Variants in PFKFB2 observed in about 807,000 individuals in gnomAD.
PFKFB2 encodes the protein 6-phosphofructo-2-kinase/fructose-2,6-biphosphatase 2, also known as 6-phosphofructo-2-kinase/fructose-2,6-bisphosphatase 2.
Under a neutral mutation model 68.0 loss-of-function variants are expected in PFKFB2, and 53 were observed. That is an observed-to-expected ratio of 0.78 (90% CI 0.63 to 0.98). The LOEUF is 0.98. Ranked by LOEUF, PFKFB2 falls within the 50% of genes least tolerant of loss-of-function variation. The pLI is 0.00. For synonymous variants in PFKFB2, 222 were observed against 227.6 expected, an observed-to-expected ratio of 0.98 and a Z score of 0.22; for missense variants, 451 against 642.0, an observed-to-expected ratio of 0.70 and a Z score of 3.22.
chr1:207,049,227 T>C (rs1682672646), upstream of PFKFB2: 1 of 1,613,860 alleles, frequency 6.2e-7, no homozygotes, highest in South Asian at 1.1e-5. Flanking sequence ...TCAGAGGAGG[T>C]GTATCTGGAT....
rs1337045968 is a variant in PFKFB2, at chr1:207,043,085, G to A, written c.-18+873G>A. Among the ~76,000 whole-genome samples the A allele has an allele frequency of 2.0e-5, 3 of 151,456 alleles. No individual in the cohort carries two copies. In the East Asian group the frequency reaches 5.8e-4, roughly 29 times the overall value. On this transcript the variant is annotated intron_variant, in intron 2 of 5. Transcript: ENST00000545806. ...TGGGCTTACTAAAATTGATTGTTGG[G>A]TCTCACCAATTTCTGATGTCCTTCT...
chr1:207,072,021 G>C (rs925229313), intron 14 of PFKFB2, among the ~76,000 whole-genome samples, 183 bp from the exon 15 acceptor site: 1 of 152,220 alleles, frequency 6.6e-6, no homozygotes, highest in African/African-American at 2.4e-5. Context: ...TGCTCAAGGA[G>C]CTTCTCCCTT....
chr1:207,059,203 A>G (rs1683014631), intron 2 of PFKFB2, among the ~76,000 whole-genome samples: 1 of 152,186 alleles, frequency 6.6e-6, no homozygotes, highest in Non-Finnish European at 1.5e-5. Flanking sequence ...CTCTGTCCAC[A>G]TGGGTAAACA....
In PFKFB2 at chr1:207,063,266, A is replaced by C. The variant is rs1683170989; in HGVS notation, c.375+57A>C. 5.8e-5 allele frequency: 92 copies of C among 1,580,300 alleles called. No homozygotes were observed. In the South Asian group the frequency reaches 9.2e-4, roughly 16 times the overall value. ...TCCCCACCCTTGCAGCAGCCTGGCT[A>C]CCCAGCCCCACCTTGAGTCTGCCCT... On this transcript the variant is annotated intron_variant, in intron 5 of 14. Coordinates refer to ENST00000367080, the MANE Select transcript of PFKFB2 (RefSeq NM_006212.2). This position sits in a 1 kb window ranked among gnomAD's most constrained non-coding sequence, Gnocchi z 4.1.
intron 2 of PFKFB2, chr1:207,044,166 C>T (rs1682537418): frequency 6.6e-6 from 1 of 152,438 alleles, no homozygotes; most frequent in African/African-American, 2.4e-5. Flanking sequence ...ACGGTCTTTA[C>T]TTGTGGTTTT....
In PFKFB2 at chr1:207,073,022, C is replaced by G. The variant is rs1683514549; in HGVS notation, c.*651C>G. The stretch of plus-strand genomic sequence containing the variant: ...TGGAGGAGTCTTTCCTTTCCTTTCT[C>G]CCTTCCTCTCCAGCCAGGTCCTGTA... On this transcript the variant is annotated 3_prime_UTR_variant, in exon 15 of 15. Transcript: ENST00000367080. The G allele has an allele frequency of 1.0e-6, 1 of 985,468 alleles. No individual in the cohort carries two copies. Among genetic ancestry groups the G allele is most frequent in the Non-Finnish European group, 1.2e-6 (1 of 830,010 alleles). 61.0% of individuals were successfully genotyped at this position (985,468 alleles called of 1,614,324 possible).
chr1:207,041,557 C>T lies in PFKFB2; in HGVS notation c.-61-612C>T, dbSNP rs1250980427. Among the ~76,000 whole-genome samples, 8 of 152,246 alleles carry T rather than the reference C, an allele frequency of 5.3e-5. 1 individual carries two copies. The highest frequency in any genetic ancestry group is 6.8e-3 in the Middle Eastern group (2 of 294). On this transcript the variant is annotated intron_variant, in intron 1 of 5. Coordinates refer to the PFKFB2 transcript ENST00000545806. ...GCTTCATCCATGTCCCTGCAAAGGA[C>T]GTGAACTCATTCTTTTCTATGGCTG... is the stretch of plus-strand genomic sequence containing the variant.
intron 1 of PFKFB2, among the ~76,000 whole-genome samples, chr1:207,038,787 AACT>A (rs1682425532): frequency 6.6e-6 from 1 of 152,254 alleles, no homozygotes; most frequent in African/African-American, 2.4e-5. Flanking sequence ...CACACTTATG[AACT>A]ACAAAAGGAT....
Position 207,077,249 on chromosome 1 carries a change from G to T in PFKFB2, c.*4878G>T. On this transcript the variant is annotated 3_prime_UTR_variant, in exon 15 of 15. Coordinates refer to ENST00000367080, the MANE Select transcript of PFKFB2 (RefSeq NM_006212.2). ...GAAATGTTGTATTCCATTGGACAGG[G>T]CTGCTATTTTTAGTCAGCCATGCAT... The T allele has an allele frequency of 1.0e-6, 1 of 985,112 alleles. No homozygotes were observed. The highest frequency in any genetic ancestry group is 1.2e-6 in the Non-Finnish European group (1 of 829,736). 61.0% of individuals were successfully genotyped at this position (985,112 alleles called of 1,614,324 possible).
rs538749897 is a variant in PFKFB2, at chr1:207,068,872, G to A, written c.988-552G>A. The stretch of plus-strand genomic sequence containing the variant: ...AAGCAATTCTCTCCCTCAGCCTCCC[G>A]AGTAGCTGGGATTATAGGCACCTGC... On this transcript the variant is annotated intron_variant, in intron 10 of 14. Coordinates refer to ENST00000367080, the MANE Select transcript of PFKFB2 (RefSeq NM_006212.2). 7.3e-5 allele frequency among the ~76,000 whole-genome samples: 11 copies of A among 151,552 alleles called. No homozygotes were observed. In the South Asian group the frequency reaches 1.5e-3, roughly 20 times the overall value.
chr1:207,051,070 C>A, upstream of PFKFB2: 1 of 1,465,818 alleles, frequency 6.8e-7, no homozygotes, highest in African/African-American at 1.4e-5. Flanking sequence ...CGCGACGCTT[C>A]GGTGCGGCTT....
At chr1:207,047,463 CT>C (rs763340916) in intron 2 of PFKFB2, 6 of 152,646 alleles carry the variant, frequency 3.9e-5, no homozygotes, top group Admixed American at 6.5e-5. Flanking sequence ...GGCAGATATG[CT>C]GAAAAAGATC....
intron 2 of PFKFB2, among the ~76,000 whole-genome samples, chr1:207,057,483 G>GA (rs200362087): frequency 5.3e-4 from 74 of 139,176 alleles, no homozygotes; most frequent in Admixed American, 5.7e-4. Flanking sequence ...ATCTCAGGGG[G>GA]AAAAAAAAAA....
chr1:207,061,159 ATATCTT>A lies in PFKFB2; in HGVS notation c.86-790_86-785del, dbSNP rs1380016365. Among the ~76,000 whole-genome samples, 222 of 59,904 alleles carry A rather than the reference ATATCTT, an allele frequency of 3.7e-3. 5 individuals carry two copies. Among genetic ancestry groups the A allele is most frequent in the African/African-American group, 9.7e-3 (112 of 11,524 alleles). The allele number at this position is 59,904 out of a possible 152,430, so 39.3% of individuals were successfully genotyped here. A position where few individuals can be genotyped will look rare whatever the true frequency, so the allele number is the denominator to read the frequency against. On this transcript the variant is annotated intron_variant, in intron 2 of 14. Transcript: ENST00000367080. ...TATATATCTTTATATATATTTATAT[ATATCTT>A]TATATATATATATATATATATATAT...
At chr1:207,044,686 A>T (rs1682551853) in intron 2 of PFKFB2, 1 of 152,378 alleles carries the variant, frequency 6.6e-6, no homozygotes, top group African/African-American at 2.4e-5. Flanking sequence ...ATGACAAGAA[A>T]TGGGGAAGAA....
intron 2 of PFKFB2, among the ~76,000 whole-genome samples, chr1:207,057,276 T>G (rs1682951583): frequency 7.7e-6 from 1 of 130,012 alleles, no homozygotes; most frequent in Admixed American, 8.8e-5. Flanking sequence ...TGAAACCCCG[T>G]CTCTACTAAA....
At chr1:207,043,008 C>T (rs1020590501) in intron 2 of PFKFB2, among the ~76,000 whole-genome samples, 3 of 151,724 alleles carry the variant, frequency 2.0e-5, no homozygotes, top group Non-Finnish European at 4.4e-5. Flanking sequence ...GTGATAGCCA[C>T]GATTCCCAAA....
intron 7 of PFKFB2, among the ~76,000 whole-genome samples, chr1:207,064,513 A>G (rs1038321432): frequency 6.6e-6 from 1 of 152,186 alleles, no homozygotes; most frequent in Non-Finnish European, 1.5e-5. Context: ...TGTTCTATAC[A>G]TTGAGCTCCT....
intron 13 of PFKFB2, 86 bp from the exon 14 acceptor site, chr1:207,071,423 A>G (rs928127653): frequency 1.7e-6 from 2 of 1,192,020 alleles, no homozygotes; most frequent in Non-Finnish European, 2.5e-6. Context: ...GAATGCGTAC[A>G]TTCCTTTGTG....
Sources: allele counts gnomAD v4.1 joint callset (sites outside exome capture counted in the v4.1 genomes callset), GRCh38; gene constraint gnomAD v4.1.1; non-coding constraint Gnocchi (gnomAD v3.1); transcripts MANE v1.5; gene names NCBI Gene and HGNC (gene_info 2026-07-23, HGNC 2026-07-21).